Variants in WDR70 observed in about 807,000 individuals in gnomAD.
The protein encoded by WDR70 is WD repeat-containing protein 70.
Under a neutral mutation model 88.6 loss-of-function variants are expected in WDR70, and 53 were observed. The observed-to-expected ratio is 0.60, with a 90% CI of 0.48 to 0.75. The LOEUF (loss-of-function observed/expected upper bound fraction) is 0.75. Ranked by LOEUF, WDR70 falls within the 30% of genes least tolerant of loss-of-function variation. The pLI is 0.00. For missense variants in WDR70, 610 were observed against 823.2 expected (o/e 0.74, Z 3.17); for synonymous variants, 280 against 270.0 (o/e 1.04, Z -0.36).
intron 10 of WDR70, among the ~76,000 whole-genome samples, chr5:37,690,826 A>G (rs926656168): frequency 1.3e-5 from 2 of 152,346 alleles, no homozygotes; most frequent in Non-Finnish European, 2.9e-5. Context: ...ACCAGCTAAC[A>G]TCATAATGAC....
chr5:37,631,087 G>A lies in WDR70; in HGVS notation c.1092+25849G>A, dbSNP rs931879729. ...GATCTGATCCAGGTCGGGGAGATGGGGTTATAGAGGCTATGTGCTTCCATG... is the reference window on the plus strand; with the variant it reads ...GATCTGATCCAGGTCGGGGAGATGGAGTTATAGAGGCTATGTGCTTCCATG... On this transcript the variant is annotated intron_variant, in intron 10 of 17. Coordinates refer to ENST00000265107, the MANE Select transcript of WDR70 (RefSeq NM_018034.4). Among the ~76,000 whole-genome samples the A allele has an allele frequency of 8.5e-5, 13 of 152,096 alleles. 1 individual carries two copies. In the East Asian group the frequency reaches 1.3e-3, roughly 16 times the overall value.
At chr5:37,416,243 C>T (rs921707925) in intron 5 of WDR70, among the ~76,000 whole-genome samples, 5 of 152,222 alleles carry the variant, frequency 3.3e-5, no homozygotes, top group African/African-American at 1.2e-4. Context: ...GTGAACGAGA[C>T]TCCGTCTGCA....
intron 10 of WDR70, among the ~76,000 whole-genome samples, chr5:37,637,305 A>C (rs1302752477): frequency 6.6e-6 from 1 of 151,554 alleles, no homozygotes; most frequent in East Asian, 1.9e-4. Context: ...CGCCTGGGCT[A>C]CAGAGCGAGA....
chr5:37,499,481 G>A (rs925981805), intron 8 of WDR70, among the ~76,000 whole-genome samples: 1 of 150,730 alleles, frequency 6.6e-6, no homozygotes, highest in Non-Finnish European at 1.5e-5. Context: ...GCTCAGATTG[G>A]GGAAGAGAGA....
chr5:37,532,681 ATTTC>A (rs1301532556), intron 9 of WDR70, among the ~76,000 whole-genome samples: 2 of 151,528 alleles, frequency 1.3e-5, no homozygotes, highest in Non-Finnish European at 2.9e-5. Context: ...CATGTTTTTG[ATTTC>A]TTTAAGTTGA....
intron 10 of WDR70, among the ~76,000 whole-genome samples, chr5:37,634,486 T>G (rs1744905122): frequency 6.6e-6 from 1 of 152,140 alleles, no homozygotes; most frequent in Admixed American, 6.5e-5. Flanking sequence ...CCTTACCTCT[T>G]TTGGTGGCAT....
intron 9 of WDR70, among the ~76,000 whole-genome samples, chr5:37,581,646 C>A (rs1314773596): frequency 1.3e-5 from 2 of 152,058 alleles, no homozygotes; most frequent in African/African-American, 4.8e-5. Flanking sequence ...AAGTTTAGAG[C>A]CATGTTTTAA....
In WDR70 at chr5:37,470,034, C is replaced by A. The variant is rs534109988; in HGVS notation, c.687-9800C>A. Among the ~76,000 whole-genome samples the A allele has an allele frequency of 1.1e-4, 17 of 151,920 alleles. 1 individual carries two copies. In the South Asian group the frequency reaches 3.5e-3, roughly 32 times the overall value. Reference sequence around the variant, plus strand: ...CACCTTTTATTGTATAAAATTGCCTCAGATTAATTTATACACATTGGCAAT... The same window carrying A: ...CACCTTTTATTGTATAAAATTGCCTAAGATTAATTTATACACATTGGCAAT... On this transcript the variant is annotated intron_variant, in intron 7 of 17. Coordinates refer to ENST00000265107, the MANE Select transcript of WDR70 (RefSeq NM_018034.4).
chr5:37,670,164 G>T (rs1265097780), intron 10 of WDR70, among the ~76,000 whole-genome samples: 1 of 152,132 alleles, frequency 6.6e-6, no homozygotes. Flanking sequence ...AGTGAGCAAA[G>T]TGCATGGTAT....
chr5:37,563,821 C>G (rs1005720510), intron 9 of WDR70, among the ~76,000 whole-genome samples: 2 of 128,650 alleles, frequency 1.6e-5, no homozygotes, highest in Non-Finnish European at 3.6e-5. Context: ...GTGTGGCTGC[C>G]GGGCGGAGGG....
chr5:37,382,041 G>T (rs1391644447), intron 3 of WDR70, among the ~76,000 whole-genome samples: 1 of 151,842 alleles, frequency 6.6e-6, no homozygotes, highest in Non-Finnish European at 1.5e-5. Flanking sequence ...GGACAAGAGT[G>T]AAATTCCATC....
Position 37,697,739 on chromosome 5 carries a change from C to T in WDR70, c.1177C>T (p.Leu393Phe), listed in dbSNP as rs1217295980. 5 of 1,613,316 alleles carry T rather than the reference C, an allele frequency of 3.1e-6. No individual in the cohort carries two copies. The African/African-American group carries it at 5.3e-5, about 17-fold the overall frequency. Reference protein sequence around the residue: ...CVTFSYDGNVLASRGGDDSLK... With the variant: ...CVTFSYDGNVFASRGGDDSLK... ...GACTTTTTCCTATGATGGTAATGTC[C>T]TTGCCTCTCGTGGAGGTAGGTTAAA... is the stretch of plus-strand genomic sequence containing the variant. The change falls in exon 11 of 18, where the codon CTT becomes TTT. Residue 393 changes from leucine (L) to phenylalanine (F), a missense_variant. By Grantham distance (22) the Leu-to-Phe change is conservative (BLOSUM62 0). Around this residue, in one of 4 missense-constraint regions of WDR70, gnomAD observed 254 missense variants for 300.7 expected, o/e 0.84. Transcript: ENST00000265107.
At chr5:37,707,759 C>T (rs1281105555) in intron 13 of WDR70, among the ~76,000 whole-genome samples, 1 of 150,206 alleles carries the variant, frequency 6.7e-6, no homozygotes, top group Admixed American at 6.7e-5. Flanking sequence ...ACTAAAACTA[C>T]AAAAATCAGC....
chr5:37,685,297 A>T (rs1294706652), intron 10 of WDR70, among the ~76,000 whole-genome samples: 1 of 152,068 alleles, frequency 6.6e-6, no homozygotes, highest in East Asian at 1.9e-4. Flanking sequence ...GTAGACACAC[A>T]CCAGCAGAGT....
chr5:37,491,817 C>G (rs1237158051), intron 8 of WDR70, among the ~76,000 whole-genome samples: 1 of 152,036 alleles, frequency 6.6e-6, no homozygotes, highest in East Asian at 1.9e-4. Context: ...AAACTGTTAA[C>G]TTAAGGTATT....
chr5:37,725,687 C>G (rs536748285), intron 16 of WDR70, among the ~76,000 whole-genome samples: 3 of 152,012 alleles, frequency 2.0e-5, no homozygotes, highest in Non-Finnish European at 4.4e-5. Flanking sequence ...TCATTTTTTT[C>G]TAACACCGTC....
chr5:37,640,074 A>G (rs1254157941), intron 10 of WDR70, among the ~76,000 whole-genome samples: 3 of 152,138 alleles, frequency 2.0e-5, no homozygotes, highest in Non-Finnish European at 4.4e-5. Context: ...ATTGCTTTCA[A>G]CCACTGTATC....
intron 10 of WDR70, among the ~76,000 whole-genome samples, chr5:37,652,720 C>T (rs551730207): frequency 6.6e-6 from 1 of 152,268 alleles, no homozygotes; most frequent in South Asian, 2.1e-4. Flanking sequence ...TGGGAGTTCA[C>T]TCATGATTTG....
chr5:37,674,421 C>A (rs1177110318), intron 10 of WDR70, among the ~76,000 whole-genome samples: 6 of 151,968 alleles, frequency 3.9e-5, no homozygotes, highest in Non-Finnish European at 5.9e-5. Context: ...TGTGATGTTC[C>A]CCTTCCTGTG....
Sources: allele counts gnomAD v4.1 joint callset (sites outside exome capture counted in the v4.1 genomes callset), GRCh38; gene constraint gnomAD v4.1.1; regional missense constraint gnomAD v4.1.1; transcripts MANE v1.5; gene names NCBI Gene and HGNC (gene_info 2026-07-23, HGNC 2026-07-21).